Variants in CSMD1 observed in about 807,000 individuals in gnomAD.
The protein encoded by CSMD1 is CUB and sushi domain-containing protein 1.
A neutral mutation model predicts 417.5 loss-of-function variants in CSMD1; 213 were observed. The observed-to-expected ratio is 0.51, with a 90% CI of 0.46 to 0.57. CSMD1 has a LOEUF of 0.57. Ranked by LOEUF, CSMD1 falls within the 20% of genes least tolerant of loss-of-function variation. CSMD1 has a pLI of 0.00. For missense variants in CSMD1, 6,923 were observed against 4,529.7 expected (o/e 1.53, Z -15.17); for synonymous variants, 2,862 against 1,736.8 (o/e 1.65, Z -16.11).
intron 3 of CSMD1, among the ~76,000 whole-genome samples, chr8:4,066,190 T>C (rs1445918168): frequency 6.6e-6 from 1 of 152,204 alleles, no homozygotes; most frequent in Non-Finnish European, 1.5e-5. Context: ...CACCTCTCCT[T>C]AGGGACTGTT....
chr8:4,467,147 AAAAG>A (rs1800228071), intron 2 of CSMD1, among the ~76,000 whole-genome samples: 1 of 151,854 alleles, frequency 6.6e-6, no homozygotes, highest in South Asian at 2.1e-4. Context: ...AAAAGAAAAA[AAAAG>A]AAAAAACAAA....
chr8:3,411,010 G>A (rs539125407), intron 12 of CSMD1, among the ~76,000 whole-genome samples: 3 of 152,164 alleles, frequency 2.0e-5, no homozygotes, highest in East Asian at 1.9e-4. Flanking sequence ...CAGTGTGCCG[G>A]GCAGGGCAGT....
chr8:3,816,950 G>C (rs1371096700), intron 5 of CSMD1, among the ~76,000 whole-genome samples: 2 of 152,080 alleles, frequency 1.3e-5, no homozygotes, highest in Admixed American at 1.3e-4. Flanking sequence ...AGCGAATCAA[G>C]AGAAAGATAA....
intron 5 of CSMD1, among the ~76,000 whole-genome samples, chr8:3,956,075 C>T (rs1811923630): frequency 6.6e-6 from 1 of 152,184 alleles, no homozygotes; most frequent in Non-Finnish European, 1.5e-5. Flanking sequence ...GATTATTTGG[C>T]ATTAGCCACC....
At chr8:4,890,065 G>C (rs749326687) in intron 1 of CSMD1, among the ~76,000 whole-genome samples, 20 of 152,062 alleles carry the variant, frequency 1.3e-4, no homozygotes, top group Non-Finnish European at 2.8e-4. Flanking sequence ...CTAAAACTAT[G>C]TTCAATCAGT....
At chr8:4,218,527 A>T (rs3849843) in intron 3 of CSMD1, among the ~76,000 whole-genome samples, 4 of 152,130 alleles carry the variant, frequency 2.6e-5, no homozygotes, top group Non-Finnish European at 5.9e-5. Context: ...TTATGCCTCT[A>T]AACTCACATT....
At chr8:4,567,669 T>G (rs1354700183) in intron 2 of CSMD1, among the ~76,000 whole-genome samples, 1 of 152,216 alleles carries the variant, frequency 6.6e-6, no homozygotes, top group East Asian at 1.9e-4. Context: ...AAGGTTCTTC[T>G]GCCCAGATGC....
At chr8:4,441,811 A>T (rs759711596) in intron 2 of CSMD1, among the ~76,000 whole-genome samples, 1 of 150,624 alleles carries the variant, frequency 6.6e-6, no homozygotes, top group Non-Finnish European at 1.5e-5. Context: ...AATAAGGTTC[A>T]ATCAAACACT....
intron 4 of CSMD1, among the ~76,000 whole-genome samples, chr8:3,998,790 T>G (rs559797255): frequency 6.6e-6 from 1 of 151,740 alleles, no homozygotes; most frequent in East Asian, 2.0e-4. Flanking sequence ...CTTGGTAAGT[T>G]TGCTATAGAG....
chr8:4,937,787 C>A (rs1443703737), intron 1 of CSMD1, among the ~76,000 whole-genome samples: 4 of 149,222 alleles, frequency 2.7e-5, no homozygotes, highest in Non-Finnish European at 3.0e-5. Flanking sequence ...GGCGCGTGCA[C>A]ACACACACAC....
At chr8:3,202,460 A>G (rs998511189) in intron 31 of CSMD1, among the ~76,000 whole-genome samples, 1 of 152,200 alleles carries the variant, frequency 6.6e-6, no homozygotes, top group African/African-American at 2.4e-5. Flanking sequence ...CACCTCCTCC[A>G]AGTGAAACAT....
intron 1 of CSMD1, among the ~76,000 whole-genome samples, chr8:4,877,403 C>A (rs544816061): frequency 1.3e-5 from 2 of 151,802 alleles, no homozygotes; most frequent in South Asian, 4.2e-4. Context: ...AGTAATAATT[C>A]CATTGTAAAG....
intron 1 of CSMD1, among the ~76,000 whole-genome samples, chr8:4,840,664 A>T (rs1328824862): frequency 1.3e-5 from 2 of 152,194 alleles, no homozygotes; most frequent in Non-Finnish European, 2.9e-5. Flanking sequence ...ACGTGTCCCA[A>T]AAAAGGTGCC....
At chr8:3,619,370 T>C (rs999464264) in intron 7 of CSMD1, among the ~76,000 whole-genome samples, 7 of 129,552 alleles carry the variant, frequency 5.4e-5, no homozygotes, top group Non-Finnish European at 1.0e-4. Flanking sequence ...TTAATTTTTT[T>C]CAAATGCTTA....
In CSMD1 at chr8:4,843,205, G is replaced by A. The variant is rs374584636; in HGVS notation, c.85+151127C>T. ...CCAAACCACTACATTGATTATAGAT[G>A]GAACAGGGCGCTTTCCTGCATCTTG... On this transcript the variant is annotated intron_variant, in intron 1 of 69. Coordinates refer to ENST00000635120, the MANE Select transcript of CSMD1 (RefSeq NM_033225.6). 5.9e-5 allele frequency among the ~76,000 whole-genome samples: 9 copies of A among 152,240 alleles called. No homozygotes were observed. The East Asian group carries it at 7.7e-4, about 13-fold the overall frequency.
chr8:3,427,870 A>G (rs1038303954), intron 12 of CSMD1, among the ~76,000 whole-genome samples: 1 of 152,244 alleles, frequency 6.6e-6, no homozygotes, highest in African/African-American at 2.4e-5. Flanking sequence ...ATTACTGTCA[A>G]TGTGTAATGT....
intron 5 of CSMD1, among the ~76,000 whole-genome samples, chr8:3,893,588 C>G (rs1807144348): frequency 6.6e-6 from 1 of 151,824 alleles, no homozygotes; most frequent in South Asian, 2.1e-4. Context: ...CTGTCTAGCT[C>G]CAGTCCCATC....
intron 2 of CSMD1, among the ~76,000 whole-genome samples, chr8:4,420,560 T>C (rs1217536): frequency 0.022 from 3,308 of 152,190 alleles, 111 homozygotes; most frequent in African/African-American, 0.075. Context: ...ATATGACAGG[T>C]AAAGCATGTG....
rs76210187 is a variant in CSMD1, at chr8:3,775,965, T to A, written c.819-21923A>T. Among the ~76,000 whole-genome samples the A allele has an allele frequency of 9.2e-3, 1,401 of 152,308 alleles. 5 individuals carry two copies. Among genetic ancestry groups the A allele is most frequent in the East Asian group, 0.04 (206 of 5,174 alleles). ...ATATGCTGATGATGCCAAATTCATG[T>A]CATCAGCCCAGGCTTCCTCCTCAGA... On this transcript the variant is annotated intron_variant, in intron 5 of 69. Coordinates refer to ENST00000635120, the MANE Select transcript of CSMD1 (RefSeq NM_033225.6).
Sources: allele counts gnomAD v4.1 joint callset (sites outside exome capture counted in the v4.1 genomes callset), GRCh38; gene constraint gnomAD v4.1.1; transcripts MANE v1.5; gene names NCBI Gene and HGNC (gene_info 2026-07-23, HGNC 2026-07-21).